GLI3: variants seen among roughly 807,000 people sequenced by gnomAD.
GLI3 encodes transcription activator GLI3.
Under a neutral mutation model 100.8 loss-of-function variants are expected in GLI3, and 20 were observed. That is an observed-to-expected ratio of 0.20 (90% CI 0.14 to 0.29). The LOEUF is 0.29. GLI3 is among the 10% of genes least tolerant of loss of function. The probability of loss-of-function intolerance (pLI) is 1.00; values close to 1 mark genes in which losing one functional copy is unlikely to be tolerated. For missense variants in GLI3, 2,040 were observed against 2,128.5 expected, an observed-to-expected ratio of 0.96 and a Z score of 0.82; for synonymous variants, 938 against 860.5, an observed-to-expected ratio of 1.09 and a Z score of -1.58.
chr7:42,254,009 C>G (rs1320190289), intron 1 of GLI3, among the ~76,000 whole-genome samples: 2 of 152,160 alleles, frequency 1.3e-5, no homozygotes, highest in South Asian at 4.2e-4. Context: ...CACATGAGGT[C>G]GGGAGTTCAA....
intron 4 of GLI3, 117 bp downstream of exon 4, chr7:42,076,635 C>G (rs1321893032): frequency 1.3e-6 from 1 of 743,480 alleles, no homozygotes; most frequent in African/African-American, 1.7e-5. Flanking sequence ...AAAAGTAAAT[C>G]TTACACTTCT....
intron 2 of GLI3, among the ~76,000 whole-genome samples, chr7:42,214,862 TAAAA>T (rs34437341): frequency 6.7e-5 from 8 of 119,016 alleles, no homozygotes; most frequent in Admixed American, 8.4e-5. Flanking sequence ...CACTGGATGC[TAAAA>T]AAAAAAAAAA....
chr7:41,982,924 T>C (rs1276714881), intron 10 of GLI3, among the ~76,000 whole-genome samples: 1 of 152,164 alleles, frequency 6.6e-6, no homozygotes, highest in East Asian at 1.9e-4. Context: ...TTGGCAAACA[T>C]TTTCTGTAAA....
chr7:42,161,611 TC>T (rs1307741562), intron 2 of GLI3, among the ~76,000 whole-genome samples: 2 of 152,194 alleles, frequency 1.3e-5, no homozygotes, highest in African/African-American at 4.8e-5. Context: ...AGCAATATCA[TC>T]CTACAGATGA....
At chr7:42,246,822 T>A (rs1197983904) in intron 1 of GLI3, among the ~76,000 whole-genome samples, 16 of 146,636 alleles carry the variant, frequency 1.1e-4, no homozygotes, top group African/African-American at 4.1e-4. Context: ...TTTTTTTTTT[T>A]TTTTTTTTTT....
intron 2 of GLI3, among the ~76,000 whole-genome samples, chr7:42,210,600 C>A (rs1583650807): frequency 6.6e-6 from 1 of 152,042 alleles, no homozygotes; most frequent in Non-Finnish European, 1.5e-5. Context: ...GGGTTTTTCT[C>A]TTCTACCCCT....
chr7:42,025,745 C>A (rs1350046677), intron 8 of GLI3, among the ~76,000 whole-genome samples: 1 of 152,176 alleles, frequency 6.6e-6, no homozygotes, highest in Non-Finnish European at 1.5e-5. Context: ...ATTAGAGCAA[C>A]CAGATTCTTC....
chr7:42,091,730 C>T (rs927680801), intron 3 of GLI3, among the ~76,000 whole-genome samples: 3 of 152,246 alleles, frequency 2.0e-5, no homozygotes, highest in African/African-American at 7.2e-5. Flanking sequence ...AAGCCCCAGA[C>T]TGGGCTGCAG....
Position 42,028,240 on chromosome 7 carries a change from A to G in GLI3, c.1029-1828T>C, listed in dbSNP as rs150308236. Among the ~76,000 whole-genome samples the G allele has an allele frequency of 5.2e-3, 795 of 152,326 alleles. 12 individuals are homozygous for G. Among genetic ancestry groups the G allele is most frequent in the East Asian group, 0.039 (200 of 5,194 alleles). ...AATTACCATGGCACACCGACTTTGCATGTATCTCCAAACACCTTTCCAGGG... is the reference window on the plus strand; with the variant it reads ...AATTACCATGGCACACCGACTTTGCGTGTATCTCCAAACACCTTTCCAGGG... On this transcript the variant is annotated intron_variant, in intron 7 of 14. Coordinates refer to ENST00000395925, the MANE Select transcript of GLI3 (RefSeq NM_000168.6).
intron 2 of GLI3, among the ~76,000 whole-genome samples, chr7:42,209,492 CTTAAA>C (rs748733989): frequency 9.2e-5 from 14 of 152,210 alleles, no homozygotes; most frequent in Non-Finnish European, 1.8e-4. Context: ...CTGTTCTAAA[CTTAAA>C]TTATATTAAC....
intron 1 of GLI3, among the ~76,000 whole-genome samples, chr7:42,234,365 T>C (rs1379295285): frequency 6.6e-6 from 1 of 152,170 alleles, no homozygotes; most frequent in African/African-American, 2.4e-5. Flanking sequence ...ACAGAGGAAG[T>C]CTGAAATGCT....
chr7:42,106,946 T>C, intron 3 of GLI3, among the ~76,000 whole-genome samples: 1 of 152,134 alleles, frequency 6.6e-6, no homozygotes, highest in East Asian at 1.9e-4. Context: ...TTTTTTCCAT[T>C]TCTTACTGCC....
intron 1 of GLI3, among the ~76,000 whole-genome samples, chr7:42,233,537 G>C (rs1271043156): frequency 6.6e-6 from 1 of 152,140 alleles, no homozygotes; most frequent in African/African-American, 2.4e-5. Flanking sequence ...TTATATAAAA[G>C]CTTTGCAGCT....
At chr7:41,968,145 T>C (rs1051617934) in intron 13 of GLI3, among the ~76,000 whole-genome samples, 8 of 152,318 alleles carry the variant, frequency 5.3e-5, no homozygotes, top group Middle Eastern at 3.4e-3. Flanking sequence ...CAGAGAATGC[T>C]AGCTGCAGTG....
chr7:42,128,211 C>T (rs572968084), intron 3 of GLI3, among the ~76,000 whole-genome samples: 58 of 152,226 alleles, frequency 3.8e-4, no homozygotes, highest in Admixed American at 1.3e-3. Flanking sequence ...ATTTAAGACA[C>T]AGTTTGACAG....
At chr7:42,238,392 T>C (rs1788877765), upstream of GLI3, among the ~76,000 whole-genome samples, 1 of 152,144 alleles carries the variant, frequency 6.6e-6, no homozygotes, top group African/African-American at 2.4e-5. Context: ...TTTTACATTT[T>C]CCCAAAGCCA....
chr7:42,118,238 A>G lies in GLI3; in HGVS notation c.367+29988T>C, dbSNP rs188540150. 358 of 398,608 alleles carry G rather than the reference A, an allele frequency of 9.0e-4. 2 individuals carry two copies. The highest frequency in any genetic ancestry group is 6.7e-3 in the African/African-American group (326 of 48,740). 24.7% of individuals were successfully genotyped at this position (398,608 alleles called of 1,614,324 possible). ...TTTCTTAATGTGCATGTTAAGTCCC[A>G]AATAGTTTCCACGGATGGCAGCGTT... On this transcript the variant is annotated intron_variant, in intron 3 of 14. Coordinates refer to ENST00000395925, the MANE Select transcript of GLI3 (RefSeq NM_000168.6).
chr7:42,143,558 G>A (rs909043967), intron 3 of GLI3, among the ~76,000 whole-genome samples: 1 of 152,166 alleles, frequency 6.6e-6, no homozygotes, highest in Non-Finnish European at 1.5e-5. Flanking sequence ...TATAAAGACA[G>A]ACAGGTAGAA....
chr7:42,206,416 C>T (rs989680044), intron 2 of GLI3, among the ~76,000 whole-genome samples: 18 of 151,686 alleles, frequency 1.2e-4, no homozygotes, highest in African/African-American at 9.8e-5. Flanking sequence ...GTTACATTTG[C>T]TTAAAACCTC....
Sources: allele counts gnomAD v4.1 joint callset (sites outside exome capture counted in the v4.1 genomes callset), GRCh38; gene constraint gnomAD v4.1.1; transcripts MANE v1.5; gene names NCBI Gene and HGNC (gene_info 2026-07-23, HGNC 2026-07-21).